MMP16: variants seen among roughly 807,000 people sequenced by gnomAD.
The protein encoded by MMP16 is matrix metalloproteinase-16.
MMP16 carries 12 observed loss-of-function variants against 67.8 expected under a neutral mutation model. The observed-to-expected ratio is 0.18, with a 90% CI of 0.11 to 0.29. MMP16 has a LOEUF of 0.29. Ranked by LOEUF, MMP16 falls within the 10% of genes least tolerant of loss-of-function variation. The pLI, the probability that MMP16 is intolerant of heterozygous loss-of-function variation, is 1.00. For synonymous variants in MMP16, 249 were observed against 255.9 expected, an observed-to-expected ratio of 0.97 and a Z score of 0.26; for missense variants, 475 against 765.7, an observed-to-expected ratio of 0.62 and a Z score of 4.48.
intron 1 of MMP16, among the ~76,000 whole-genome samples, chr8:88,235,992 T>C (rs1809934384): frequency 6.6e-6 from 1 of 152,126 alleles, no homozygotes; most frequent in South Asian, 2.1e-4. Context: ...CACACAAGCA[T>C]AGGTGTCTTT....
At chr8:88,057,085 G>A (rs1808341802) in intron 7 of MMP16, among the ~76,000 whole-genome samples, 1 of 151,884 alleles carries the variant, frequency 6.6e-6, no homozygotes, top group African/African-American at 2.4e-5. Flanking sequence ...TTTTTGTTCT[G>A]GAGTCACCAA....
intron 1 of MMP16, among the ~76,000 whole-genome samples, chr8:88,229,523 A>T (rs1412997469): frequency 6.6e-6 from 1 of 152,122 alleles, no homozygotes; most frequent in Non-Finnish European, 1.5e-5. Flanking sequence ...TAAGACTATT[A>T]TGAGGTAAGA....
At chr8:88,301,323 A>C (rs2130043280) in intron 1 of MMP16, among the ~76,000 whole-genome samples, 1 of 152,228 alleles carries the variant, frequency 6.6e-6, no homozygotes, top group South Asian at 2.1e-4. Flanking sequence ...TAACTGCATA[A>C]ATCTTACATA....
intron 1 of MMP16, among the ~76,000 whole-genome samples, chr8:88,287,822 A>T (rs893179860): frequency 3.3e-5 from 5 of 152,162 alleles, no homozygotes; most frequent in African/African-American, 1.2e-4. Flanking sequence ...GTGTTATTGT[A>T]ACAAAAAGGT....
chr8:88,254,225 T>G (rs937359460), intron 1 of MMP16, among the ~76,000 whole-genome samples: 1 of 152,086 alleles, frequency 6.6e-6, no homozygotes, highest in African/African-American at 2.4e-5. Context: ...AACTAAATAC[T>G]GCATGTTCCT....
chr8:88,286,279 T>C (rs904664220), intron 1 of MMP16, among the ~76,000 whole-genome samples: 20 of 152,170 alleles, frequency 1.3e-4, no homozygotes, highest in African/African-American at 4.6e-4. Flanking sequence ...TCCCCTAGGT[T>C]CTCTCCTGTC....
intron 2 of MMP16, among the ~76,000 whole-genome samples, chr8:88,188,932 G>C (rs1441739517): frequency 1.3e-5 from 2 of 152,156 alleles, no homozygotes; most frequent in Non-Finnish European, 2.9e-5. Flanking sequence ...TGGGATTACA[G>C]GCATGAGCCA....
chr8:88,256,144 T>C (rs911833289), intron 1 of MMP16, among the ~76,000 whole-genome samples: 4 of 152,332 alleles, frequency 2.6e-5, no homozygotes, highest in African/African-American at 7.2e-5. Flanking sequence ...CTATCTTCAA[T>C]AGTTAAATAC....
At position 88,183,876 on chromosome 8, in the gene MMP16, GA is replaced by G. The variant is rs532887357; in HGVS notation, c.404+2599del. On this transcript the variant is annotated intron_variant, in intron 3 of 9. Coordinates refer to ENST00000286614, the MANE Select transcript of MMP16 (RefSeq NM_005941.5). ...GATTACAGTCATGCGCCACAACTCC[GA>G]GCTAATTTTTATTTATTTATTTAGT... Among the ~76,000 whole-genome samples, 29 of 150,854 alleles carry G rather than the reference GA, an allele frequency of 1.9e-4. No homozygotes were observed. The South Asian group carries it at 5.3e-3, about 27-fold the overall frequency.
At chr8:88,252,545 A>G (rs1028604044) in intron 1 of MMP16, among the ~76,000 whole-genome samples, 1 of 152,062 alleles carries the variant, frequency 6.6e-6, no homozygotes, top group Non-Finnish European at 1.5e-5. Context: ...AAAGGAGTAT[A>G]TAAGGTTCAA....
intron 4 of MMP16, among the ~76,000 whole-genome samples, chr8:88,132,578 C>T (rs573453806): frequency 6.6e-6 from 1 of 151,976 alleles, no homozygotes; most frequent in African/African-American, 2.4e-5. Context: ...GCTCTTTTCA[C>T]ATGTTGGCTA....
chr8:88,247,703 A>G lies in MMP16; in HGVS notation c.133-50397T>C, dbSNP rs186964395. 2.0e-5 allele frequency among the ~76,000 whole-genome samples: 3 copies of G among 152,254 alleles called. No individual in the cohort carries two copies. In the East Asian group the frequency reaches 5.8e-4, roughly 29 times the overall value. ...GGAGCAGTCCAGAGAAAAGTCATGA[A>G]TATAGAATAGGCAATGTATTAACAT... On this transcript the variant is annotated intron_variant, in intron 1 of 9. Transcript: ENST00000286614.
At chr8:88,189,221 C>T (rs963236191) in intron 2 of MMP16, among the ~76,000 whole-genome samples, 12 of 152,182 alleles carry the variant, frequency 7.9e-5, no homozygotes, top group Non-Finnish European at 1.5e-4. Flanking sequence ...TCATAGCACA[C>T]AGGTAAGACA....
At chr8:88,078,251 T>A (rs117122940) in intron 6 of MMP16, among the ~76,000 whole-genome samples, 476 of 152,294 alleles carry the variant, frequency 3.1e-3, no homozygotes, top group Non-Finnish European at 5.2e-3. Context: ...CAAACTGGAA[T>A]TCCTACTTAA....
At chr8:88,053,215 T>C (rs2118218218) in intron 8 of MMP16, among the ~76,000 whole-genome samples, 1 of 152,310 alleles carries the variant, frequency 6.6e-6, no homozygotes, top group Non-Finnish European at 1.5e-5. Context: ...AGGGTACTCT[T>C]GGGCTGTAAT....
At chr8:88,264,672 A>G (rs2129957970) in intron 1 of MMP16, among the ~76,000 whole-genome samples, 1 of 152,338 alleles carries the variant, frequency 6.6e-6, no homozygotes, top group East Asian at 1.9e-4. Context: ...AATATGATTC[A>G]GGCCATGGCC....
At chr8:88,049,380 G>C (rs1242435483) in intron 8 of MMP16, among the ~76,000 whole-genome samples, 1 of 152,122 alleles carries the variant, frequency 6.6e-6, no homozygotes, top group African/African-American at 2.4e-5. Context: ...TGTGATGAAT[G>C]GTTAATGCAG....
At chr8:88,073,414 T>C (rs559104097) in intron 7 of MMP16, among the ~76,000 whole-genome samples, 3 of 152,256 alleles carry the variant, frequency 2.0e-5, no homozygotes, top group South Asian at 4.1e-4. Context: ...TAAAATCATT[T>C]TGAGATGGGG....
chr8:88,186,622 A>C, intron 2 of MMP16, 24 bp from the exon 3 acceptor site: 1 of 1,570,882 alleles, frequency 6.4e-7, no homozygotes, highest in East Asian at 2.2e-5. Flanking sequence ...AAAAAAAAAA[A>C]AAAAGCAGTA....
Sources: allele counts gnomAD v4.1 joint callset (sites outside exome capture counted in the v4.1 genomes callset), GRCh38; gene constraint gnomAD v4.1.1; transcripts MANE v1.5; gene names NCBI Gene and HGNC (gene_info 2026-07-23, HGNC 2026-07-21).